Variants in CHL1 observed in about 807,000 individuals in gnomAD.
CHL1 encodes cell adhesion molecule L1 like.
In CHL1, 96 loss-of-function variants were observed where a neutral mutation model predicts 141.9. The observed-to-expected ratio is 0.68, with a 90% CI of 0.57 to 0.80. The LOEUF is 0.80. Ranked by LOEUF, CHL1 falls within the 30% of genes least tolerant of loss-of-function variation. The pLI, the probability that CHL1 is intolerant of heterozygous loss-of-function variation, is 0.00. For missense variants in CHL1, 1,820 were observed against 1,457.2 expected (o/e 1.25, Z -4.05); for synonymous variants, 613 against 502.2 (o/e 1.22, Z -2.95).
chr3:353,518 T>C (rs1368319820), intron 10 of CHL1, among the ~76,000 whole-genome samples: 1 of 152,204 alleles, frequency 6.6e-6, no homozygotes, highest in African/African-American at 2.4e-5. Flanking sequence ...ACTTGGAATT[T>C]AACAATTAAG....
At chr3:404,842 A>G (rs1709408591) in intron 27 of CHL1, among the ~76,000 whole-genome samples, 1 of 152,174 alleles carries the variant, frequency 6.6e-6, no homozygotes, top group African/African-American at 2.4e-5. Flanking sequence ...CTATAACAAA[A>G]TACCATAAGC....
At chr3:201,870 G>T (rs902235763) in intron 1 of CHL1, among the ~76,000 whole-genome samples, 1 of 152,134 alleles carries the variant, frequency 6.6e-6, no homozygotes, top group African/African-American at 2.4e-5. Context: ...TAACTCCAGG[G>T]ACTACAATTG....
At chr3:302,141 C>T (rs1480629383) in intron 2 of CHL1, among the ~76,000 whole-genome samples, 1 of 152,216 alleles carries the variant, frequency 6.6e-6, no homozygotes, top group Non-Finnish European at 1.5e-5. Context: ...TTAATCCAGT[C>T]TATCACTGAT....
At chr3:208,281 A>C (rs1200675297) in intron 1 of CHL1, among the ~76,000 whole-genome samples, 1 of 151,960 alleles carries the variant, frequency 6.6e-6, no homozygotes, top group African/African-American at 2.4e-5. Context: ...AATTTTGGAC[A>C]GCAGGCCTTA....
chr3:210,428 C>T (rs1699814385), intron 1 of CHL1, among the ~76,000 whole-genome samples: 2 of 152,210 alleles, frequency 1.3e-5, no homozygotes, highest in Admixed American at 1.3e-4. Context: ...GGCTGGTGGC[C>T]CCAGGATGGC....
At chr3:246,016 T>A (rs1693129883) in intron 2 of CHL1, among the ~76,000 whole-genome samples, 1 of 152,156 alleles carries the variant, frequency 6.6e-6, no homozygotes, top group African/African-American at 2.4e-5. Flanking sequence ...TATTCTAATA[T>A]CCTTAGAGAA....
At chr3:397,544 T>C (rs1264292363) in intron 24 of CHL1, among the ~76,000 whole-genome samples, 1 of 152,106 alleles carries the variant, frequency 6.6e-6, no homozygotes, top group Non-Finnish European at 1.5e-5. Flanking sequence ...ATTTAAGATA[T>C]TTGGTGGTAA....
chr3:224,545 C>T (rs1011355260), intron 1 of CHL1, among the ~76,000 whole-genome samples: 1 of 152,004 alleles, frequency 6.6e-6, no homozygotes, highest in Admixed American at 6.6e-5. Context: ...AAGTCTCTCT[C>T]TAGCTTCTCC....
intron 15 of CHL1, among the ~76,000 whole-genome samples, chr3:368,547 G>T (rs1705198711): frequency 6.6e-6 from 1 of 152,156 alleles, no homozygotes; most frequent in African/African-American, 2.4e-5. Flanking sequence ...TAGGTTGCCT[G>T]TTCGCTCTGA....
chr3:224,752 C>T (rs1344714797), intron 1 of CHL1, among the ~76,000 whole-genome samples: 2 of 152,236 alleles, frequency 1.3e-5, no homozygotes, highest in Non-Finnish European at 2.9e-5. Flanking sequence ...TGGCCTAATA[C>T]ATTTATTGTC....
intron 6 of CHL1, among the ~76,000 whole-genome samples, 181 bp from the exon 7 acceptor site, chr3:341,731 T>C (rs1226662852): frequency 1.3e-5 from 2 of 152,100 alleles, no homozygotes; most frequent in Non-Finnish European, 2.9e-5. Context: ...TTTGCTGCTG[T>C]TTTTGTTTTG....
chr3:363,315 G>A lies in CHL1; in HGVS notation c.1517G>A (p.Gly506Glu). Residue 506 changes from glycine (G) to glutamate (E), a missense_variant, in exon 14 of 28, where the codon GGG (glycine) becomes GAG (glutamate). Physicochemically the swap from Gly to Glu is moderately conservative, Grantham distance 98. Transcript: ENST00000256509. The part of the protein sequence containing the change: ...QINRTTEEDA[G>E]SYSCWVENAI... ...AACAGAACCACCGAAGAAGATGCTG[G>A]GTCTTACTCATGTTGGGTAGAAAAT... 1 of 1,613,568 alleles carries A rather than the reference G, an allele frequency of 6.2e-7. No homozygotes were observed. Among genetic ancestry groups the A allele is most frequent in the Non-Finnish European group, 8.5e-7 (1 of 1,179,706 alleles).
chr3:299,507 A>G (rs1428790986), intron 2 of CHL1, among the ~76,000 whole-genome samples: 1 of 152,190 alleles, frequency 6.6e-6, no homozygotes, highest in Non-Finnish European at 1.5e-5. Context: ...ATGATAATAA[A>G]AATAGCTACC....
chr3:280,086 A>G (rs1457338123), intron 2 of CHL1, among the ~76,000 whole-genome samples: 1 of 152,214 alleles, frequency 6.6e-6, no homozygotes, highest in African/African-American at 2.4e-5. Flanking sequence ...ATAGGTGTGT[A>G]AAGATAAGTA....
chr3:242,553 G>GCACA (rs1479857413), intron 1 of CHL1, among the ~76,000 whole-genome samples: 2 of 151,896 alleles, frequency 1.3e-5, no homozygotes, highest in Non-Finnish European at 2.9e-5. Context: ...CCGAGATTGT[G>GCACA]CCACTGCACT....
chr3:323,197 A>G (rs1700735002), intron 3 of CHL1, among the ~76,000 whole-genome samples: 1 of 152,040 alleles, frequency 6.6e-6, no homozygotes, highest in Non-Finnish European at 1.5e-5. Flanking sequence ...GAGCCCATTC[A>G]TTTCAAGATA....
intron 5 of CHL1, among the ~76,000 whole-genome samples, chr3:330,323 T>C (rs954876951): frequency 6.6e-6 from 1 of 152,132 alleles, no homozygotes; most frequent in Non-Finnish European, 1.5e-5. Context: ...ACATGTTGAA[T>C]GCAGTGAAAG....
intron 2 of CHL1, among the ~76,000 whole-genome samples, chr3:286,583 C>G (rs331875): frequency 0.079 from 11,316 of 143,274 alleles, 1,499 homozygotes; most frequent in African/African-American, 0.28. Context: ...TGCACTCCAG[C>G]CTGGGTGACA....
chr3:394,882 T>G lies in CHL1; in HGVS notation c.3094+10T>G. ...ACCTTAGGAGAAGGGAGTAAGTACATGAGGCTTCTCTTTTTAATAGAGGCT... is the reference window on the plus strand; with the variant it reads ...ACCTTAGGAGAAGGGAGTAAGTACAGGAGGCTTCTCTTTTTAATAGAGGCT... On this transcript the variant is annotated intron_variant, in intron 24 of 27. Transcript: ENST00000256509. The G allele has an allele frequency of 6.3e-7, 1 of 1,587,346 alleles. No homozygotes were observed. Among genetic ancestry groups the G allele is most frequent in the South Asian group, 1.2e-5 (1 of 86,416 alleles).
Sources: gnomAD v4.1 joint callset for allele counts (sites outside exome capture counted in the v4.1 genomes callset) on GRCh38, gnomAD v4.1.1 for gene constraint, MANE v1.5 for transcripts, NCBI Gene and HGNC (gene_info 2026-07-23, HGNC 2026-07-21) for gene names.